RAF1: variants seen among roughly 807,000 people sequenced by gnomAD.
The protein encoded by RAF1 is Raf-1 proto-oncogene, serine/threonine kinase, also known as RAF proto-oncogene serine/threonine-protein kinase.
A neutral mutation model predicts 81.1 loss-of-function variants in RAF1; 27 were observed. That is an observed-to-expected ratio of 0.33 (90% confidence interval 0.25 to 0.46). The LOEUF (loss-of-function observed/expected upper bound fraction) is 0.46. Among genes scored for constraint, RAF1 ranks in the 20% least tolerant of loss-of-function variants. The probability of loss-of-function intolerance (pLI) is 1.00; values close to 1 mark genes in which losing one functional copy is unlikely to be tolerated. For synonymous variants in RAF1, 298 were observed against 294.0 expected, an observed-to-expected ratio of 1.01 and a Z score of -0.14; for missense variants, 598 against 826.0, an observed-to-expected ratio of 0.72 and a Z score of 3.38.
chr3:12,605,742 T>C (rs923681730), intron 6 of RAF1, among the ~76,000 whole-genome samples: 2 of 152,240 alleles, frequency 1.3e-5, no homozygotes, highest in African/African-American at 2.4e-5. Context: ...ACAATATTTA[T>C]GCTGAAAATC....
rs2058224216 is a variant in RAF1, at chr3:12,583,861, A to G, written c.*653T>C. 1 of 234,792 alleles carries G rather than the reference A, an allele frequency of 4.3e-6. No homozygotes were observed. Among genetic ancestry groups the G allele is most frequent in the African/African-American group, 2.2e-5 (1 of 45,346 alleles). 14.5% of individuals were successfully genotyped at this position (234,792 alleles called of 1,614,324 possible). A position where few individuals can be genotyped will look rare whatever the true frequency, so the allele number is the denominator to read the frequency against. On this transcript the variant is annotated 3_prime_UTR_variant, in exon 18 of 18. Transcript: ENST00000442415. Reference sequence around the variant, plus strand: ...AAGACAAAATTCAGCATGATGGAAGACTGCTCCCTGAGAGGGCTGAGATGC... The same window carrying G: ...AAGACAAAATTCAGCATGATGGAAGGCTGCTCCCTGAGAGGGCTGAGATGC...
chr3:12,655,008 C>CCT (rs1047401107), intron 1 of RAF1, among the ~76,000 whole-genome samples: 2 of 149,288 alleles, frequency 1.3e-5, no homozygotes, highest in Admixed American at 6.6e-5. Context: ...AGACCCCCCC[C>CCT]CCGCCATCTC....
chr3:12,599,827 A>G lies in RAF1; in HGVS notation c.1051-19T>C. On this transcript the variant is annotated intron_variant, in intron 10 of 17. Coordinates refer to ENST00000442415, the MANE Select transcript of RAF1 (RefSeq NM_001354689.3). Reference sequence around the variant, plus strand: ...GAGGCCTCTGAAACAAGTAGAGATCATTATTATACTCCATGCAATGGTAAT... The same window carrying G: ...GAGGCCTCTGAAACAAGTAGAGATCGTTATTATACTCCATGCAATGGTAAT... 6.5e-7 allele frequency: 1 copy of G among 1,545,930 alleles called. No homozygotes were observed. The highest frequency in any genetic ancestry group is 8.9e-7 in the Non-Finnish European group (1 of 1,117,768).
chr3:12,632,205 T>G (rs925366255), intron 1 of RAF1, among the ~76,000 whole-genome samples: 1 of 150,330 alleles, frequency 6.7e-6, no homozygotes, highest in African/African-American at 2.4e-5. Context: ...ATGCCTGTAG[T>G]CCCAGCTACT....
chr3:12,614,072 G>A lies in RAF1; in HGVS notation c.208-2010C>T, dbSNP rs571307243. Among the ~76,000 whole-genome samples the A allele has an allele frequency of 9.9e-5, 15 of 152,262 alleles. No homozygotes were observed. In the South Asian group the frequency reaches 3.1e-3, roughly 32 times the overall value. ...TTCAGAGATGTGGAAGAAAGGAAAGGTCGTGAACAACAGGGTAAGGGGAAA... is the reference window on the plus strand; with the variant it reads ...TTCAGAGATGTGGAAGAAAGGAAAGATCGTGAACAACAGGGTAAGGGGAAA... On this transcript the variant is annotated intron_variant, in intron 2 of 17. Coordinates refer to ENST00000442415, the MANE Select transcript of RAF1 (RefSeq NM_001354689.3).
chr3:12,664,070 T>C lies in RAF1; in HGVS notation c.-284A>G, dbSNP rs947274603. The C allele has an allele frequency of 5.0e-6, 2 of 398,272 alleles. No individual in the cohort carries two copies. Among genetic ancestry groups the C allele is most frequent in the Non-Finnish European group, 4.4e-6 (1 of 225,926 alleles). 24.7% of individuals were successfully genotyped at this position (398,272 alleles called of 1,614,324 possible). A position where few individuals can be genotyped will look rare whatever the true frequency, so the allele number is the denominator to read the frequency against. On this transcript the variant is annotated 5_prime_UTR_variant, in exon 1 of 18. Transcript: ENST00000442415. ...AAGCCGTTCCCGCCTCACAATCGTT[T>C]TCCTCTTACTCCCGCCATCTAAGAT... is the stretch of plus-strand genomic sequence containing the variant.
At chr3:12,601,676 T>G (rs1407768441) in intron 8 of RAF1, among the ~76,000 whole-genome samples, 1 of 152,018 alleles carries the variant, frequency 6.6e-6, no homozygotes, top group African/African-American at 2.4e-5. Flanking sequence ...ATATATCTAA[T>G]TATATAATTA....
chr3:12,603,591 A>G, intron 7 of RAF1: 1 of 675,100 alleles, frequency 1.5e-6, no homozygotes. Context: ...GAAGTATTTA[A>G]GTGTATTCAG....
intron 14 of RAF1, among the ~76,000 whole-genome samples, chr3:12,586,618 T>C (rs1353739919): frequency 1.3e-5 from 2 of 152,182 alleles, no homozygotes; most frequent in Non-Finnish European, 2.9e-5. Context: ...ACAACTATCA[T>C]GCCTCTCACT....
At chr3:12,586,506 C>T (rs2058338278) in intron 14 of RAF1, among the ~76,000 whole-genome samples, 1 of 152,190 alleles carries the variant, frequency 6.6e-6, no homozygotes, top group African/African-American at 2.4e-5. Flanking sequence ...TCTGTGGTGT[C>T]TGCTTTCATG....
chr3:12,663,988 C>A lies in RAF1; in HGVS notation c.-202G>T. On this transcript the variant is annotated 5_prime_UTR_variant, in exon 1 of 18. Transcript: ENST00000442415. ...AGCAAACGCGCTCCGCGCCTCAGGG[C>A]ACGCGCCCCAAAGCCCGGCCAGCTG... The A allele has an allele frequency of 7.5e-6, 3 of 398,588 alleles. No homozygotes were observed. Among genetic ancestry groups the A allele is most frequent in the East Asian group, 3.6e-5 (1 of 28,080 alleles). The allele number at this position is 398,588 out of a possible 1,614,324, so 24.7% of individuals were successfully genotyped here. A position where few individuals can be genotyped will look rare whatever the true frequency, so the allele number is the denominator to read the frequency against.
At chr3:12,623,186 TG>T (rs778499643) in intron 1 of RAF1, among the ~76,000 whole-genome samples, 31 of 152,194 alleles carry the variant, frequency 2.0e-4, no homozygotes, top group Non-Finnish European at 3.1e-4. Flanking sequence ...GCACCCAGCT[TG>T]CAATAGATTT....
At chr3:12,647,760 T>A (rs145256118) in intron 1 of RAF1, among the ~76,000 whole-genome samples, 1 of 152,222 alleles carries the variant, frequency 6.6e-6, no homozygotes, top group African/African-American at 2.4e-5. Context: ...AGGTGATGTG[T>A]ACGTGTCAAT....
intron 6 of RAF1, 93 bp from the exon 7 acceptor site, chr3:12,604,382 G>T: frequency 7.6e-7 from 1 of 1,308,622 alleles, no homozygotes; most frequent in South Asian, 1.3e-5. Context: ...AGATGCTTAA[G>T]GGCAAACTCT....
intron 11 of RAF1, among the ~76,000 whole-genome samples, chr3:12,597,503 C>T (rs2058722335): frequency 6.6e-6 from 1 of 152,132 alleles, no homozygotes; most frequent in South Asian, 2.1e-4. Context: ...ATGCAATATC[C>T]ATTGCTCTGC....
At chr3:12,591,230 A>G (rs547046348) in intron 12 of RAF1, among the ~76,000 whole-genome samples, 1 of 152,116 alleles carries the variant, frequency 6.6e-6, no homozygotes, top group African/African-American at 2.4e-5. Flanking sequence ...TCTTTCATCA[A>G]TGTACACTCC....
chr3:12,590,696 C>T, intron 13 of RAF1, 102 bp downstream of exon 12: 5 of 1,318,738 alleles, frequency 3.8e-6, no homozygotes, highest in African/African-American at 1.4e-5. Flanking sequence ...AAAGATATCA[C>T]AGAATCGCTT....
chr3:12,628,751 TGGG>T (rs35539372), intron 1 of RAF1, among the ~76,000 whole-genome samples: 1,033 of 82,212 alleles, frequency 0.013, 19 homozygotes, highest in African/African-American at 0.039. Context: ...AGACTATTTT[TGGG>T]GGGGGGGGGT....
At chr3:12,637,602 T>C (rs1261701460) in intron 1 of RAF1, among the ~76,000 whole-genome samples, 4 of 151,862 alleles carry the variant, frequency 2.6e-5, no homozygotes, top group Admixed American at 1.3e-4. Flanking sequence ...CCGGGCACAG[T>C]GGCTCGCAGG....
Sources: gnomAD v4.1 joint callset for allele counts (sites outside exome capture counted in the v4.1 genomes callset) on GRCh38, gnomAD v4.1.1 for gene constraint, MANE v1.5 for transcripts, NCBI Gene and HGNC (gene_info 2026-07-23, HGNC 2026-07-21) for gene names.